ARHGAP42: variants seen among roughly 807,000 people sequenced by gnomAD.
The protein encoded by ARHGAP42 is rho GTPase-activating protein 42.
A neutral mutation model predicts 125.0 loss-of-function variants in ARHGAP42; 63 were observed. The ratio of observed to expected loss-of-function variants is 0.50; its 90% CI spans 0.41 to 0.62. ARHGAP42 has a LOEUF of 0.62. Among genes scored for constraint, ARHGAP42 ranks in the 20% least tolerant of loss-of-function variants. The pLI is 0.00. For synonymous variants in ARHGAP42, 339 were observed against 351.0 expected (o/e 0.97, Z 0.38); for missense variants, 766 against 1,024.2 (o/e 0.75, Z 3.44).
intron 12 of ARHGAP42, among the ~76,000 whole-genome samples, chr11:100,950,850 A>G (rs554722655): frequency 3.7e-4 from 56 of 152,210 alleles, no homozygotes; most frequent in African/African-American, 1.2e-3. Context: ...AACAAACTCA[A>G]TAACCCTGAC....
In ARHGAP42 at chr11:100,758,724, C is replaced by T. The variant is rs139015090; in HGVS notation, c.155-11619C>T. On this transcript the variant is annotated intron_variant, in intron 1 of 23. Transcript: ENST00000298815. ...TATGTGCTGTGATGAACTCTACATG[C>T]ATGATTTCATTTGCTCAGCACAATG... 2.8e-3 allele frequency among the ~76,000 whole-genome samples: 424 copies of T among 152,228 alleles called. 4 individuals carry two copies. Among genetic ancestry groups the T allele is most frequent in the African/African-American group, 9.7e-3 (404 of 41,544 alleles).
At chr11:100,876,621 A>T (rs1865829807) in intron 4 of ARHGAP42, among the ~76,000 whole-genome samples, 1 of 152,232 alleles carries the variant, frequency 6.6e-6, no homozygotes. Context: ...GATTGTGCAG[A>T]TAAGTGAACT....
chr11:100,905,086 T>C (rs1326049097), intron 4 of ARHGAP42, among the ~76,000 whole-genome samples: 1 of 152,218 alleles, frequency 6.6e-6, no homozygotes, highest in African/African-American at 2.4e-5. Context: ...TTTTTGTTCA[T>C]TCTTACCAAT....
intron 4 of ARHGAP42, among the ~76,000 whole-genome samples, chr11:100,902,977 A>G (rs192843598): frequency 6.6e-6 from 1 of 152,256 alleles, no homozygotes; most frequent in East Asian, 1.9e-4. Flanking sequence ...TTTGGACAGC[A>G]TGAATGGAGA....
At chr11:100,943,286 A>C (rs1483591318) in intron 9 of ARHGAP42, among the ~76,000 whole-genome samples, 1 of 151,878 alleles carries the variant, frequency 6.6e-6, no homozygotes, top group African/African-American at 2.4e-5. Context: ...TCTCTTGTAA[A>C]CCTGAGCTAG....
intron 4 of ARHGAP42, 140 bp from the exon 5 acceptor site, chr11:100,913,312 A>G (rs935428819): frequency 7.2e-6 from 2 of 278,104 alleles, no homozygotes; most frequent in Non-Finnish European, 1.4e-5. Flanking sequence ...TCCTATTTTT[A>G]CTAAATTAAG....
At chr11:100,770,473 A>G (rs1293407519) in intron 2 of ARHGAP42, 35 bp downstream of exon 2, 34 of 1,380,646 alleles carry the variant, frequency 2.5e-5, no homozygotes, top group African/African-American at 1.7e-4. Flanking sequence ...TCTATTACTA[A>G]TATTTATTTT....
chr11:100,776,995 A>C (rs1005340403), intron 2 of ARHGAP42, among the ~76,000 whole-genome samples: 6 of 152,054 alleles, frequency 3.9e-5, no homozygotes, highest in African/African-American at 1.4e-4. Context: ...AAAAAAAAAA[A>C]AAAAAACACG....
intron 1 of ARHGAP42, among the ~76,000 whole-genome samples, chr11:100,707,573 T>C (rs886857226): frequency 2.0e-5 from 3 of 152,048 alleles, no homozygotes; most frequent in Non-Finnish European, 4.4e-5. Context: ...TTTACATAAG[T>C]GCAAAGGGTG....
At chr11:100,903,707 AAAATATATATATATAT>A (rs1241781350) in intron 4 of ARHGAP42, among the ~76,000 whole-genome samples, 1 of 25,656 alleles carries the variant, frequency 3.9e-5, no homozygotes, top group Non-Finnish European at 7.4e-5. Flanking sequence ...CATGTCCCTC[AAAATATATATATATAT>A]ATATATATAT....
At position 100,913,672 on chromosome 11, in the gene ARHGAP42, G is replaced by C. The variant is rs547613788; in HGVS notation, c.486+119G>C. On this transcript the variant is annotated intron_variant, in intron 5 of 23. Transcript: ENST00000298815. ...TAATAAAATAATTATGATAGCAATGGCTAAATTAATTGAGCACTTACTATG... is the reference window on the plus strand; with the variant it reads ...TAATAAAATAATTATGATAGCAATGCCTAAATTAATTGAGCACTTACTATG... 442 of 405,120 alleles carry C rather than the reference G, an allele frequency of 1.1e-3. 1 individual carries two copies. The highest frequency in any genetic ancestry group is 1.5e-3 in the Non-Finnish European group (349 of 230,972). The allele number at this position is 405,120 out of a possible 1,614,324, so 25.1% of individuals were successfully genotyped here.
chr11:100,909,467 C>T (rs1294153816), intron 4 of ARHGAP42, among the ~76,000 whole-genome samples: 1 of 151,754 alleles, frequency 6.6e-6, no homozygotes, highest in East Asian at 1.9e-4. Context: ...GCCTCAGCCT[C>T]CCGAATAGCT....
intron 4 of ARHGAP42, among the ~76,000 whole-genome samples, chr11:100,877,133 T>C (rs1222263741): frequency 6.6e-6 from 1 of 152,232 alleles, no homozygotes; most frequent in Non-Finnish European, 1.5e-5. Flanking sequence ...GCCAAATTCT[T>C]GTATTTTTAA....
At chr11:100,716,200 G>A (rs887344409) in intron 1 of ARHGAP42, among the ~76,000 whole-genome samples, 26 of 152,140 alleles carry the variant, frequency 1.7e-4, no homozygotes, top group African/African-American at 6.3e-4. Flanking sequence ...TTGATTCACT[G>A]TGGTTTCTGC....
intron 1 of ARHGAP42, among the ~76,000 whole-genome samples, chr11:100,758,996 TG>T (rs1862639144): frequency 6.6e-6 from 1 of 152,116 alleles, no homozygotes; most frequent in Non-Finnish European, 1.5e-5. Context: ...AAAATTTTAG[TG>T]TTTTTTTGTT....
At chr11:100,942,015 T>G in intron 9 of ARHGAP42, 131 bp downstream of exon 9, 1 of 716,144 alleles carries the variant, frequency 1.4e-6, no homozygotes. Context: ...AGGTCAAAGG[T>G]TTTCTCTCAT....
Position 100,878,658 on chromosome 11 carries a change from C to T in ARHGAP42, c.384+19033C>T, listed in dbSNP as rs551395767. On this transcript the variant is annotated intron_variant, in intron 4 of 23. Transcript: ENST00000298815. ...AGTAGCTCTCATCCCAGGGGACATG[C>T]GGAGATTAGAAAATGAGCAAAGGGA... is the stretch of plus-strand genomic sequence containing the variant. Among the ~76,000 whole-genome samples, 13 of 152,156 alleles carry T rather than the reference C, an allele frequency of 8.5e-5. No individual in the cohort carries two copies. The East Asian group carries it at 1.4e-3, about 16-fold the overall frequency.
intron 4 of ARHGAP42, among the ~76,000 whole-genome samples, chr11:100,876,748 C>T (rs985213016): frequency 6.6e-6 from 1 of 152,116 alleles, no homozygotes; most frequent in Admixed American, 6.6e-5. Flanking sequence ...TAAGCTCTAC[C>T]ATTTATATTC....
At chr11:100,877,324 T>C (rs1179805434) in intron 4 of ARHGAP42, among the ~76,000 whole-genome samples, 1 of 152,230 alleles carries the variant, frequency 6.6e-6, no homozygotes, top group African/African-American at 2.4e-5. Context: ...TTACTTAGCC[T>C]CTGGGGAATT....
Sources: gnomAD v4.1 joint callset for allele counts (sites outside exome capture counted in the v4.1 genomes callset) on GRCh38, gnomAD v4.1.1 for gene constraint, MANE v1.5 for transcripts, NCBI Gene and HGNC (gene_info 2026-07-23, HGNC 2026-07-21) for gene names.